Variants in GLT6D1 observed in about 807,000 individuals in gnomAD.
GLT6D1 encodes putative glycosyltransferase 6 domain-containing protein 1.
In GLT6D1, 9 loss-of-function variants were observed where a neutral mutation model predicts 12.3. That is an observed-to-expected ratio of 0.73 (90% CI 0.44 to 1.27). The LOEUF (loss-of-function observed/expected upper bound fraction) is 1.27. GLT6D1 is among the 50% of genes most tolerant of loss of function. The pLI is 0.00. For missense variants in GLT6D1, 335 were observed against 346.2 expected (o/e 0.97, Z 0.26); for synonymous variants, 128 against 132.3 (o/e 0.97, Z 0.23).
In GLT6D1 at chr9:135,624,517, C is replaced by T. The variant is rs748355800; in HGVS notation, c.411G>A (p.Val137=). Residue 137 remains valine, a synonymous_variant, in exon 5 of 5, where the codon GTG becomes GTA. Transcript: ENST00000371763. ...SPLRTFKAFK[V]GTERWWLDGP... is the part of the protein sequence containing the mutation. ...CATCGAGCCACCACCTCTCGGTGCC[C>T]ACTTTAAATGCTTTGAACGTTCGAA... is the stretch of plus-strand genomic sequence containing the variant. The T allele has an allele frequency of 1.9e-6, 3 of 1,613,958 alleles. No individual in the cohort carries two copies. The East Asian group carries it at 6.7e-5, about 36-fold the overall frequency.
intron 2 of GLT6D1, among the ~76,000 whole-genome samples, chr9:135,632,434 C>T (rs1291454247): frequency 6.6e-6 from 1 of 152,174 alleles, no homozygotes; most frequent in Non-Finnish European, 1.5e-5. Context: ...TCCTTAGCCA[C>T]AGACATTCCA....
At chr9:135,632,331 C>G (rs551797542) in intron 2 of GLT6D1, among the ~76,000 whole-genome samples, 1 of 152,144 alleles carries the variant, frequency 6.6e-6, no homozygotes, top group African/African-American at 2.4e-5. Context: ...CAGGGTCTCC[C>G]TGCGTTGCCT....
At chr9:135,635,989 G>GA (rs35504344) in intron 2 of GLT6D1, among the ~76,000 whole-genome samples, 42,695 of 152,006 alleles carry the variant, frequency 0.28, 6,228 homozygotes, top group Middle Eastern at 0.38. Context: ...ATTCCTGTGG[G>GA]AAAAAACCTT....
intron 2 of GLT6D1, 34 bp downstream of exon 2, chr9:135,639,083 T>C (rs1833840166): frequency 8.4e-7 from 1 of 1,188,096 alleles, no homozygotes; most frequent in African/African-American, 1.5e-5. Flanking sequence ...TGCCAATCAC[T>C]AAAGATCATG....
chr9:135,637,403 G>C (rs181351129), intron 2 of GLT6D1, among the ~76,000 whole-genome samples: 34 of 151,568 alleles, frequency 2.2e-4, no homozygotes, highest in African/African-American at 8.0e-4. Flanking sequence ...TTGGCTACAT[G>C]CCTAGGAGCA....
intron 2 of GLT6D1, among the ~76,000 whole-genome samples, 175 bp downstream of exon 2, chr9:135,638,942 G>A (rs1833837303): frequency 6.6e-6 from 1 of 152,098 alleles, no homozygotes; most frequent in Admixed American, 6.6e-5. Context: ...TGAGGTGGGA[G>A]GATCACTTGA....
At chr9:135,629,457 G>GA (rs938932343) in intron 3 of GLT6D1, among the ~76,000 whole-genome samples, 2 of 151,872 alleles carry the variant, frequency 1.3e-5, no homozygotes, top group African/African-American at 4.8e-5. Flanking sequence ...TTAGAATTTA[G>GA]AAAAAAATGA....
At position 135,626,147 on chromosome 9, in the gene GLT6D1, G is replaced by A. The variant is rs757062519; in HGVS notation, c.179C>T (p.Thr60Ile). 6.2e-7 allele frequency: 1 copy of A among 1,613,982 alleles called. No homozygotes were observed. The highest frequency in any genetic ancestry group is 1.1e-5 in the South Asian group (1 of 91,076). The change falls in exon 4 of 5, where the codon ACT becomes ATT. Residue 60 changes from threonine to isoleucine, a missense_variant. By Grantham distance (89) the Thr-to-Ile change is moderately conservative (BLOSUM62 -1). Transcript: ENST00000371763. ...TTTTTCCAGGACCCGCCTGTCGAAA[G>A]TCCCTTCCCATAGGACAGGAGCGAG... is the stretch of plus-strand genomic sequence containing the variant. ...DWLAPVLWEG[T>I]FDRRVLEKHY...
At chr9:135,628,766 C>T (rs1403431712) in intron 3 of GLT6D1, among the ~76,000 whole-genome samples, 4 of 151,996 alleles carry the variant, frequency 2.6e-5, no homozygotes, top group Non-Finnish European at 5.9e-5. Flanking sequence ...CTTATTATAG[C>T]TCTATTCAAA....
intron 2 of GLT6D1, 50 bp from the exon 3 acceptor site, chr9:135,631,528 T>TAAAC: frequency 1.4e-6 from 2 of 1,405,790 alleles, no homozygotes; most frequent in Non-Finnish European, 1.0e-6. Flanking sequence ...GTTCAATGTT[T>TAAAC]ATTGAGCCTG....
intron 2 of GLT6D1, among the ~76,000 whole-genome samples, chr9:135,637,963 G>GAATTTGAGTTTTA (rs1301263184): frequency 1.3e-5 from 2 of 152,174 alleles, no homozygotes; most frequent in Non-Finnish European, 2.9e-5. Flanking sequence ...GAGAAAGCTA[G>GAATTTGAGTTTTA]AATTTGAGTT....
At position 135,626,163 on chromosome 9, in the gene GLT6D1, C is replaced by T. The variant is rs528087693; in HGVS notation, c.163G>A (p.Val55Ile). The change falls in exon 4 of 5, where the codon GTC becomes ATC. Residue 55 changes from valine (V) to isoleucine (I), a missense_variant. Physicochemically the swap from Val to Ile is conservative, Grantham distance 29. Coordinates refer to ENST00000371763, the MANE Select transcript of GLT6D1 (RefSeq NM_182974.3). ...VITKTDWLAP[V>I]LWEGTFDRRV... ...CTGTCGAAAGTCCCTTCCCATAGGA[C>T]AGGAGCGAGCCAGTCTGTTTTCGTT... is the stretch of plus-strand genomic sequence containing the variant. 3.0e-5 allele frequency: 48 copies of T among 1,613,108 alleles called. No homozygotes were observed. The East Asian group carries it at 6.5e-4, about 22-fold the overall frequency.
intron 4 of GLT6D1, 107 bp downstream of exon 4, chr9:135,625,962 A>G: frequency 7.1e-6 from 9 of 1,270,312 alleles, no homozygotes; most frequent in Non-Finnish European, 7.7e-6. Flanking sequence ...GGCTATTGTT[A>G]TCACTAATTA....
chr9:135,624,381 C>T lies in GLT6D1; in HGVS notation c.547G>A (p.Gly183Arg), dbSNP rs183429273. Residue 183 changes from glycine to arginine, a missense_variant, in exon 5 of 5, where the codon GGG (glycine) becomes AGG (arginine). Coordinates refer to ENST00000371763, the MANE Select transcript of GLT6D1 (RefSeq NM_182974.3). Reference sequence around the variant, plus strand: ...ACCAACGGGCCCAGGGTCTCCACCCCGAACTCATTCTGGAAGACCTGGTTG... The same window carrying T: ...ACCAACGGGCCCAGGGTCTCCACCCTGAACTCATTCTGGAAGACCTGGTTG... Reference protein sequence around the residue: ...AANQVFQNEFGVETLGPLVAQ... With the variant: ...AANQVFQNEFRVETLGPLVAQ... The T allele has an allele frequency of 1.2e-4, 190 of 1,614,144 alleles. 2 individuals are homozygous for T. In the South Asian group the frequency reaches 1.4e-3, roughly 12 times the overall value.
chr9:135,634,442 CTT>C (rs370291630), intron 2 of GLT6D1, among the ~76,000 whole-genome samples: 7 of 54,860 alleles, frequency 1.3e-4, no homozygotes, highest in Admixed American at 5.3e-4. Context: ...TTTTCCTTTC[CTT>C]TTTTTTTTTT....
At chr9:135,632,026 C>A (rs1180285912) in intron 2 of GLT6D1, among the ~76,000 whole-genome samples, 25 of 152,248 alleles carry the variant, frequency 1.6e-4, no homozygotes, top group Non-Finnish European at 1.5e-5. Flanking sequence ...GCACAAGCTA[C>A]CTCCCTTTGC....
intron 2 of GLT6D1, among the ~76,000 whole-genome samples, chr9:135,636,344 ACT>A (rs1833772016): frequency 6.6e-6 from 1 of 151,894 alleles, no homozygotes; most frequent in Non-Finnish European, 1.5e-5. Context: ...ACAGAGTGAG[ACT>A]CTGTCTCAAA....
Position 135,639,388 on chromosome 9 carries a change from C to T in GLT6D1, c.-102G>A, listed in dbSNP as rs1029881296. On this transcript the variant is annotated 5_prime_UTR_variant, in exon 1 of 5. Transcript: ENST00000371763. ...CTTCAAGTGCCCGGGGCTGACTGTT[C>T]CCCGTGGGTCAGCTGCACGTGCACT... The T allele has an allele frequency of 1.7e-5, 8 of 470,582 alleles. No individual in the cohort carries two copies. Among genetic ancestry groups the T allele is most frequent in the African/African-American group, 4.0e-5 (2 of 50,206 alleles). The allele number at this position is 470,582 out of a possible 1,614,324, so 29.2% of individuals were successfully genotyped here.
chr9:135,626,256 G>C, intron 3 of GLT6D1, 50 bp from the exon 4 acceptor site: 1 of 1,600,692 alleles, frequency 6.2e-7, no homozygotes, highest in Non-Finnish European at 8.5e-7. Flanking sequence ...TGAGGCGCCG[G>C]CAGCAGGTGC....
Sources: allele counts gnomAD v4.1 joint callset (sites outside exome capture counted in the v4.1 genomes callset), GRCh38; gene constraint gnomAD v4.1.1; transcripts MANE v1.5; gene names NCBI Gene and HGNC (gene_info 2026-07-23, HGNC 2026-07-21).